The following HDAC1 variants were observed in gnomAD, a reference collection of about 807,000 sequenced individuals.
HDAC1 encodes the protein histone deacetylase 1.
HDAC1 carries 18 observed loss-of-function variants against 65.5 expected under a neutral mutation model. The observed-to-expected ratio is 0.27, with a 90% CI of 0.19 to 0.41. The LOEUF (loss-of-function observed/expected upper bound fraction) is 0.41. HDAC1 is among the 10% of genes least tolerant of loss of function. The pLI is 1.00. For missense variants in HDAC1, 373 were observed against 625.2 expected, an observed-to-expected ratio of 0.60 and a Z score of 4.30; for synonymous variants, 211 against 227.9, an observed-to-expected ratio of 0.93 and a Z score of 0.67.
intron 2 of HDAC1, among the ~76,000 whole-genome samples, chr1:32,315,838 G>A (rs1434682396): frequency 4.0e-5 from 6 of 150,766 alleles, no homozygotes; most frequent in Non-Finnish European, 7.4e-5. Context: ...CGTGGTGGGC[G>A]CCTGTAATCC....
Position 32,329,525 on chromosome 1 carries a change from C to T in HDAC1, c.729+365C>T. On this transcript the variant is annotated intron_variant, in intron 7 of 13. Transcript: ENST00000373548. This position sits in a 1 kb window ranked among gnomAD's most constrained non-coding sequence, Gnocchi z 4.1. ...TGTTCTTTTGGTAGTGGTATGTCTC[C>T]TTGGTTTTTTGTGTTCCTCATTGCC... is the stretch of plus-strand genomic sequence containing the variant. 1 of 323,818 alleles carries T rather than the reference C, an allele frequency of 3.1e-6. No homozygotes were observed. Among genetic ancestry groups the T allele is most frequent in the South Asian group, 3.9e-5 (1 of 25,410 alleles). The allele number at this position is 323,818 out of a possible 1,614,324, so 20.1% of individuals were successfully genotyped here. A position where few individuals can be genotyped will look rare whatever the true frequency, so the allele number is the denominator to read the frequency against.
At chr1:32,332,801 C>T (rs1438042898) in intron 13 of HDAC1, 52 bp downstream of exon 13, 2 of 1,461,328 alleles carry the variant, frequency 1.4e-6, no homozygotes, top group East Asian at 4.9e-5. Flanking sequence ...GCACCAGCCC[C>T]TTTGTCCCAC....
Position 32,322,889 on chromosome 1 carries a change from C to T in HDAC1, c.281-1590C>T, listed in dbSNP as rs552699545. Among the ~76,000 whole-genome samples the T allele has an allele frequency of 2.0e-5, 3 of 152,284 alleles. No individual in the cohort carries two copies. In the South Asian group the frequency reaches 6.2e-4, roughly 32 times the overall value. On this transcript the variant is annotated intron_variant, in intron 3 of 13. Transcript: ENST00000373548. Reference sequence around the variant, plus strand: ...AACTTCTCGGTATCTGTTTGTTCCTCCGCACAGTGGGGTTGATATCTGGCT... The same window carrying T: ...AACTTCTCGGTATCTGTTTGTTCCTTCGCACAGTGGGGTTGATATCTGGCT...
chr1:32,301,436 A>C (rs1034717167), intron 1 of HDAC1, among the ~76,000 whole-genome samples: 2 of 149,346 alleles, frequency 1.3e-5, no homozygotes, highest in Non-Finnish European at 3.0e-5. Context: ...ACACAGCGAG[A>C]CTCTGTCTCA....
rs1570036957 is a variant in HDAC1, at chr1:32,326,893, G to T, written c.356-46G>T. 9.3e-6 allele frequency: 15 copies of T among 1,605,818 alleles called. No homozygotes were observed. The East Asian group carries it at 3.1e-4, about 33-fold the overall frequency. On this transcript the variant is annotated intron_variant, in intron 4 of 13. Transcript: ENST00000373548. The stretch of plus-strand genomic sequence containing the variant: ...TTCCCTGGGCTTCTTGGAGGAAGGG[G>T]AGAGTGGCTTAGTAACAGGCTTATG...
chr1:32,294,067 CAA>C (rs1199332480), intron 1 of HDAC1, among the ~76,000 whole-genome samples: 60 of 89,382 alleles, frequency 6.7e-4, no homozygotes, highest in Middle Eastern at 6.0e-3. Flanking sequence ...GACTTCGTCT[CAA>C]AAAAAAAAAA....
chr1:32,331,754 C>T lies in HDAC1; in HGVS notation c.1167C>T (p.Ile389=), dbSNP rs1278925483. The change falls in exon 11 of 14, where the codon ATC becomes ATT. Residue 389 remains isoleucine (I), a synonymous_variant. Transcript: ENST00000373548. The surrounding 1 kb of genome is among the most constrained non-coding windows in gnomAD (Gnocchi z 4.2). The stretch of plus-strand genomic sequence containing the variant: ...TGCAGGCGATTCCTGAGGACGCCAT[C>T]CCTGAGGAGAGTGGCGATGAGGACG... ...VQMQAIPEDA[I]PEESGDEDED... is the part of the protein sequence containing the mutation. 2 of 1,613,882 alleles carry T rather than the reference C, an allele frequency of 1.2e-6. No individual in the cohort carries two copies. The highest frequency in any genetic ancestry group is 2.2e-5 in the South Asian group (2 of 91,078).
At chr1:32,322,384 C>T (rs952256925) in intron 3 of HDAC1, among the ~76,000 whole-genome samples, 15 of 151,840 alleles carry the variant, frequency 9.9e-5, no homozygotes, top group African/African-American at 3.6e-4. Flanking sequence ...TCAAGTGATT[C>T]TCCTGCCTCA....
chr1:32,326,082 ATT>A (rs1641213602), intron 4 of HDAC1, among the ~76,000 whole-genome samples: 1 of 152,048 alleles, frequency 6.6e-6, no homozygotes, highest in African/African-American at 2.4e-5. Flanking sequence ...ATGGGTGTGT[ATT>A]TATCTTTTAC....
At chr1:32,306,473 T>C (rs554323907) in intron 2 of HDAC1, among the ~76,000 whole-genome samples, 2 of 152,266 alleles carry the variant, frequency 1.3e-5, no homozygotes, top group South Asian at 2.1e-4. Flanking sequence ...TTCTCTCTTT[T>C]AGAGACAGGG....
At chr1:32,311,336 C>T (rs1024969727) in intron 2 of HDAC1, among the ~76,000 whole-genome samples, 3 of 151,822 alleles carry the variant, frequency 2.0e-5, no homozygotes, top group East Asian at 1.9e-4. Context: ...GGCGTGGTCG[C>T]GGGTGCCTGT....
chr1:32,316,609 T>C, intron 2 of HDAC1, 56 bp from the exon 3 acceptor site: 1 of 927,268 alleles, frequency 1.1e-6, no homozygotes, highest in Non-Finnish European at 1.8e-6. Flanking sequence ...CAAACTAGAT[T>C]GACTGGACTG....
chr1:32,317,788 C>T (rs1225028037), intron 3 of HDAC1, among the ~76,000 whole-genome samples: 1 of 152,146 alleles, frequency 6.6e-6, no homozygotes. Context: ...TCATGCCTTT[C>T]CTGTAGATGG....
intron 1 of HDAC1, among the ~76,000 whole-genome samples, chr1:32,294,030 T>C (rs1301643614): frequency 1.3e-5 from 2 of 148,858 alleles, no homozygotes; most frequent in East Asian, 4.1e-4. Context: ...ATCTCACCAC[T>C]GCACTCCGTC....
intron 1 of HDAC1, among the ~76,000 whole-genome samples, chr1:32,294,082 C>A (rs7512341): frequency 9.2e-4 from 136 of 148,566 alleles, no homozygotes; most frequent in Admixed American, 1.0e-3. Flanking sequence ...AAAAAAAAAA[C>A]AAAAAAATTC....
intron 1 of HDAC1, among the ~76,000 whole-genome samples, chr1:32,296,322 G>A (rs887971145): frequency 6.6e-6 from 1 of 152,134 alleles, no homozygotes. Flanking sequence ...CTAGATTGTG[G>A]TAGATTGCAG....
chr1:32,297,255 A>T (rs1569999411), intron 1 of HDAC1, among the ~76,000 whole-genome samples: 1 of 152,254 alleles, frequency 6.6e-6, no homozygotes. Context: ...AAGAAGAAAA[A>T]AATGGGCTGG....
chr1:32,316,351 A>G (rs1167810108), intron 2 of HDAC1, among the ~76,000 whole-genome samples: 1 of 152,206 alleles, frequency 6.6e-6, no homozygotes, highest in Non-Finnish European at 1.5e-5. Flanking sequence ...ACCTCTTCCA[A>G]TTCTCTCAAC....
At chr1:32,317,748 G>A (rs186439346) in intron 3 of HDAC1, among the ~76,000 whole-genome samples, 135 of 152,214 alleles carry the variant, frequency 8.9e-4, no homozygotes, top group Admixed American at 2.6e-3. Context: ...TGAATTGCAG[G>A]GTCTTATTTC....
Sources: allele counts gnomAD v4.1 joint callset (sites outside exome capture counted in the v4.1 genomes callset), GRCh38; gene constraint gnomAD v4.1.1; non-coding constraint Gnocchi (gnomAD v3.1); transcripts MANE v1.5; gene names NCBI Gene and HGNC (gene_info 2026-07-23, HGNC 2026-07-21).